Variants in ZNF804A observed in about 807,000 individuals in gnomAD.
The protein encoded by ZNF804A is zinc finger protein 804A.
ZNF804A carries 2 observed loss-of-function variants against 16.5 expected under a neutral mutation model. That is an observed-to-expected ratio of 0.12 (90% CI 0.05 to 0.38). The LOEUF (loss-of-function observed/expected upper bound fraction) is 0.38, where lower values mean the gene tolerates loss of function less well. Ranked by LOEUF, ZNF804A falls within the 10% of genes least tolerant of loss-of-function variation. ZNF804A has a pLI of 0.99. For missense variants in ZNF804A, 1,473 were observed against 1,390.7 expected, an observed-to-expected ratio of 1.06 and a Z score of -0.94; for synonymous variants, 534 against 489.6, an observed-to-expected ratio of 1.09 and a Z score of -1.20.
chr2:184,847,162 C>A (rs1695532309), intron 1 of ZNF804A, among the ~76,000 whole-genome samples: 2 of 152,062 alleles, frequency 1.3e-5, no homozygotes, highest in African/African-American at 4.8e-5. Context: ...GAGTTGTACT[C>A]AATTTAGCTC....
intron 1 of ZNF804A, among the ~76,000 whole-genome samples, chr2:184,784,965 T>C (rs1446916893): frequency 1.3e-5 from 2 of 152,026 alleles, no homozygotes; most frequent in African/African-American, 4.8e-5. Flanking sequence ...CAAGCTTCCC[T>C]ACCTATTGAT....
chr2:184,636,096 A>G (rs1691690946), intron 1 of ZNF804A, among the ~76,000 whole-genome samples: 1 of 152,084 alleles, frequency 6.6e-6, no homozygotes, highest in Admixed American at 6.6e-5. Context: ...ATAGCTCTTA[A>G]TTTTTTATAT....
chr2:184,744,139 AGCCTTTATGTATCTAGGTAAAT>A (rs1693749966), intron 1 of ZNF804A, among the ~76,000 whole-genome samples: 2 of 152,020 alleles, frequency 1.3e-5, no homozygotes, highest in South Asian at 4.1e-4. Flanking sequence ...TAGCCATGTG[AGCCTTTATGTATCTAGGTAAAT>A]GCCTTTACTT....
chr2:184,831,769 A>T (rs1695265339), intron 1 of ZNF804A, among the ~76,000 whole-genome samples: 1 of 151,986 alleles, frequency 6.6e-6, no homozygotes, highest in East Asian at 1.9e-4. Context: ...AACAGCAAAA[A>T]ACCACTGAAT....
chr2:184,757,548 G>A (rs536116823), intron 1 of ZNF804A, among the ~76,000 whole-genome samples: 2 of 151,770 alleles, frequency 1.3e-5, no homozygotes, highest in Middle Eastern at 3.4e-3. Flanking sequence ...ATGTTTCTTG[G>A]ATGCTTTTCT....
chr2:184,604,700 C>T (rs1339153176), intron 1 of ZNF804A, among the ~76,000 whole-genome samples: 1 of 152,164 alleles, frequency 6.6e-6, no homozygotes, highest in African/African-American at 2.4e-5. Context: ...ACTTAGGTTA[C>T]TTTCCTGACC....
At chr2:184,794,604 C>A (rs1033803559) in intron 1 of ZNF804A, among the ~76,000 whole-genome samples, 2 of 151,728 alleles carry the variant, frequency 1.3e-5, no homozygotes, top group African/African-American at 2.4e-5. Flanking sequence ...GACAAAAAAA[C>A]CAAGGTATAC....
rs905274090 is a variant in ZNF804A, at chr2:184,710,050, T to A, written c.111+110980T>A. 2.0e-5 allele frequency among the ~76,000 whole-genome samples: 3 copies of A among 151,324 alleles called. No homozygotes were observed. The South Asian group carries it at 6.2e-4, about 31-fold the overall frequency. Reference sequence around the variant, plus strand: ...TTTATTACAGGAAATGATACATTTGTATCTGTTTTTTTATTTGTTATTCTT... The same window carrying A: ...TTTATTACAGGAAATGATACATTTGAATCTGTTTTTTTATTTGTTATTCTT... On this transcript the variant is annotated intron_variant, in intron 1 of 3. Transcript: ENST00000302277.
chr2:184,678,985 T>G (rs1233701646), intron 1 of ZNF804A, among the ~76,000 whole-genome samples: 1 of 152,178 alleles, frequency 6.6e-6, no homozygotes, highest in Non-Finnish European at 1.5e-5. Context: ...TATAAATATA[T>G]AGTGAGACTC....
intron 1 of ZNF804A, among the ~76,000 whole-genome samples, chr2:184,832,115 C>A (rs1370974235): frequency 6.6e-6 from 1 of 151,986 alleles, no homozygotes; most frequent in Non-Finnish European, 1.5e-5. Flanking sequence ...ATTAACTATG[C>A]AATTTGTCCA....
intron 1 of ZNF804A, among the ~76,000 whole-genome samples, chr2:184,818,646 G>A (rs948936242): frequency 4.0e-5 from 6 of 151,894 alleles, no homozygotes; most frequent in African/African-American, 1.2e-4. Context: ...TTGATATGCT[G>A]TCCTCAATAG....
intron 2 of ZNF804A, among the ~76,000 whole-genome samples, chr2:184,926,455 T>G (rs1414372038): frequency 6.6e-6 from 1 of 152,036 alleles, no homozygotes; most frequent in Non-Finnish European, 1.5e-5. Context: ...TCTTTGGGAG[T>G]TTGATTATTA....
intron 1 of ZNF804A, among the ~76,000 whole-genome samples, chr2:184,621,517 G>C (rs917716062): frequency 1.3e-5 from 2 of 151,710 alleles, no homozygotes; most frequent in Non-Finnish European, 3.0e-5. Context: ...GTATGTGTCT[G>C]CATTGGTGTG....
At chr2:184,610,946 C>T (rs990148472) in intron 1 of ZNF804A, among the ~76,000 whole-genome samples, 1 of 152,132 alleles carries the variant, frequency 6.6e-6, no homozygotes, top group Non-Finnish European at 1.5e-5. Flanking sequence ...ACCATGTCAA[C>T]ATTTCCTTTT....
At chr2:184,606,777 T>C (rs1363867734) in intron 1 of ZNF804A, among the ~76,000 whole-genome samples, 1 of 151,830 alleles carries the variant, frequency 6.6e-6, no homozygotes, top group Non-Finnish European at 1.5e-5. Context: ...CATTTAAGAT[T>C]TACCAGCTCC....
chr2:184,801,380 C>T (rs1694725188), intron 1 of ZNF804A, among the ~76,000 whole-genome samples: 1 of 152,058 alleles, frequency 6.6e-6, no homozygotes, highest in Admixed American at 6.6e-5. Flanking sequence ...TGTAGTATTT[C>T]TTCCATTCTT....
At chr2:184,709,404 T>C (rs1001471692) in intron 1 of ZNF804A, among the ~76,000 whole-genome samples, 1 of 152,008 alleles carries the variant, frequency 6.6e-6, no homozygotes, top group African/African-American at 2.4e-5. Context: ...AATGAATATC[T>C]ATCTATCTAT....
chr2:184,754,005 C>T (rs1693915761), intron 1 of ZNF804A, among the ~76,000 whole-genome samples: 1 of 151,784 alleles, frequency 6.6e-6, no homozygotes, highest in Non-Finnish European at 1.5e-5. Context: ...TATACCCATT[C>T]ATCTTTCTCA....
chr2:184,755,467 T>G (rs576345796), intron 1 of ZNF804A, among the ~76,000 whole-genome samples: 52 of 152,118 alleles, frequency 3.4e-4, no homozygotes, highest in Admixed American at 1.4e-3. Flanking sequence ...TTTGTTATTT[T>G]TGTATGTGTT....
Sources: gnomAD v4.1 joint callset for allele counts (sites outside exome capture counted in the v4.1 genomes callset) on GRCh38, gnomAD v4.1.1 for gene constraint, MANE v1.5 for transcripts, NCBI Gene and HGNC (gene_info 2026-07-23, HGNC 2026-07-21) for gene names.